APBB2: variants seen among roughly 807,000 people sequenced by gnomAD.
APBB2 encodes the protein Fe65-like 1.
Under a neutral mutation model 82.5 loss-of-function variants are expected in APBB2, and 38 were observed. The ratio of observed to expected loss-of-function variants is 0.46; its 90% CI spans 0.36 to 0.60. The LOEUF is 0.60. Ranked by LOEUF, APBB2 falls within the 20% of genes least tolerant of loss-of-function variation. The pLI, the probability that APBB2 is intolerant of heterozygous loss-of-function variation, is 0.00. For synonymous variants in APBB2, 341 were observed against 368.2 expected (o/e 0.93, Z 0.85); for missense variants, 772 against 972.3 (o/e 0.79, Z 2.74).
intron 10 of APBB2, among the ~76,000 whole-genome samples, chr4:40,923,917 T>C (rs559850166): frequency 3.9e-5 from 6 of 152,132 alleles, no homozygotes; most frequent in African/African-American, 1.4e-4. Flanking sequence ...CTTGGCCGAG[T>C]TGGCAAATAA....
chr4:41,181,453 C>T (rs1771322979), intron 1 of APBB2, among the ~76,000 whole-genome samples: 1 of 152,032 alleles, frequency 6.6e-6, no homozygotes, highest in South Asian at 2.1e-4. Context: ...GTAAATTATC[C>T]CAAGAGCTAA....
intron 1 of APBB2, among the ~76,000 whole-genome samples, chr4:41,147,880 A>G (rs2154025478): frequency 6.6e-6 from 1 of 152,258 alleles, no homozygotes; most frequent in East Asian, 1.9e-4. Context: ...GAAGGAACAC[A>G]CTGGAGCCCA....
At chr4:40,823,541 G>T in intron 16 of APBB2, 103 bp downstream of exon 16, 1 of 785,094 alleles carries the variant, frequency 1.3e-6, no homozygotes, top group Non-Finnish European at 2.2e-6. Context: ...TCACAAGGAT[G>T]CACAACTCCG....
chr4:41,063,597 T>TAA (rs1294487764), intron 4 of APBB2, among the ~76,000 whole-genome samples: 1 of 152,244 alleles, frequency 6.6e-6, no homozygotes, highest in Non-Finnish European at 1.5e-5. Flanking sequence ...CCTACTGCTA[T>TAA]AAAGTGCCAC....
At chr4:40,916,312 A>C (rs28580841) in intron 10 of APBB2, among the ~76,000 whole-genome samples, 14,552 of 152,030 alleles carry the variant, frequency 0.096, 972 homozygotes, top group Middle Eastern at 0.16. Context: ...GCTAGACCTG[A>C]AGACAGACAG....
rs1553930075 is a variant in APBB2, at chr4:40,832,013, T to TACACACACACACACACACACACAC, written c.1530-1460_1530-1437dup. The stretch of plus-strand genomic sequence containing the variant: ...ACACATATTTATATATTTATTTATA[T>TACACACACACACACACACACACAC]ACACACACACACACACACACACACA... On this transcript the variant is annotated intron_variant, in intron 12 of 17. Transcript: ENST00000508593. This position sits in a 1 kb window ranked among gnomAD's most constrained non-coding sequence, Gnocchi z 4.8. 1.7e-4 allele frequency among the ~76,000 whole-genome samples: 23 copies of TACACACACACACACACACACACAC among 138,878 alleles called. No individual in the cohort carries two copies. Among genetic ancestry groups the TACACACACACACACACACACACAC allele is most frequent in the Non-Finnish European group, 2.5e-4 (16 of 64,470 alleles). The allele number at this position is 138,878 out of a possible 152,430, so 91.1% of individuals were successfully genotyped here.
intron 1 of APBB2, among the ~76,000 whole-genome samples, chr4:41,185,593 A>C (rs1364605324): frequency 6.6e-6 from 1 of 152,248 alleles, no homozygotes; most frequent in Non-Finnish European, 1.5e-5. Context: ...TGACTATGTC[A>C]AATAAAATAG....
Position 41,195,118 on chromosome 4 carries a change from C to T in APBB2, c.-417+19287G>A. Among the ~76,000 whole-genome samples, 517 of 152,220 alleles carry T rather than the reference C, an allele frequency of 3.4e-3. 6 individuals are homozygous for T. Among genetic ancestry groups the T allele is most frequent in the African/African-American group, 0.011 (476 of 41,524 alleles). The stretch of plus-strand genomic sequence containing the variant: ...GCTATGTAAGTCTTCTCCGTCTTCA[C>T]CCCCTCCCTGGGTGACCGTTATACT... On this transcript the variant is annotated intron_variant, in intron 1 of 17. Transcript: ENST00000508593.
intron 6 of APBB2, among the ~76,000 whole-genome samples, chr4:40,987,828 G>T (rs1206624636): frequency 6.6e-6 from 1 of 152,200 alleles, no homozygotes; most frequent in African/African-American, 2.4e-5. Flanking sequence ...CTAAGCATGT[G>T]TTGAATGGTC....
chr4:40,977,417 A>T (rs905089726), intron 6 of APBB2, among the ~76,000 whole-genome samples: 9 of 151,704 alleles, frequency 5.9e-5, no homozygotes, highest in African/African-American at 1.9e-4. Flanking sequence ...GGTTCAAGCG[A>T]TTCTCATGCT....
chr4:40,898,366 C>T (rs912459955), intron 10 of APBB2, among the ~76,000 whole-genome samples: 3 of 152,298 alleles, frequency 2.0e-5, no homozygotes, highest in East Asian at 3.9e-4. Context: ...CAGGTTCAAA[C>T]GATTCTCCTG....
intron 1 of APBB2, among the ~76,000 whole-genome samples, chr4:41,202,432 C>T (rs1185482676): frequency 1.3e-5 from 2 of 152,106 alleles, no homozygotes; most frequent in Non-Finnish European, 2.9e-5. Flanking sequence ...CAAAAATGAA[C>T]ACACAAGAAT....
intron 3 of APBB2, among the ~76,000 whole-genome samples, chr4:41,070,539 C>T (rs567807692): frequency 6.6e-6 from 1 of 152,202 alleles, no homozygotes; most frequent in South Asian, 2.1e-4. Context: ...TGACCTCAAG[C>T]GATCCACCCG....
chr4:40,844,447 G>A (rs903735341), intron 12 of APBB2, among the ~76,000 whole-genome samples: 8 of 152,198 alleles, frequency 5.3e-5, no homozygotes, highest in Admixed American at 2.6e-4. Context: ...TATTATCACT[G>A]TGTCATCCAA....
At chr4:40,856,582 A>G (rs1486217775) in intron 12 of APBB2, among the ~76,000 whole-genome samples, 1 of 152,252 alleles carries the variant, frequency 6.6e-6, no homozygotes, top group Non-Finnish European at 1.5e-5. Flanking sequence ...AAACCCTGAA[A>G]TATCTTTCAG....
intron 6 of APBB2, among the ~76,000 whole-genome samples, chr4:40,960,853 C>T (rs73152327): frequency 0.081 from 12,271 of 152,042 alleles, 547 homozygotes; most frequent in Middle Eastern, 0.14. Flanking sequence ...CCGATATAAA[C>T]GCTACATTTC....
chr4:40,861,364 T>G (rs1762717856), intron 12 of APBB2, among the ~76,000 whole-genome samples: 1 of 149,758 alleles, frequency 6.7e-6, no homozygotes, highest in Non-Finnish European at 1.5e-5. Flanking sequence ...AAAAAAAATT[T>G]TTTTTTTTAA....
chr4:41,074,755 A>G (rs1024169860), intron 3 of APBB2, among the ~76,000 whole-genome samples: 16 of 151,876 alleles, frequency 1.1e-4, no homozygotes, highest in South Asian at 2.1e-4. Context: ...GACTACAGGC[A>G]TCCGCCACCA....
chr4:40,960,007 G>C (rs756233664), intron 6 of APBB2, among the ~76,000 whole-genome samples: 2 of 151,990 alleles, frequency 1.3e-5, no homozygotes, highest in Non-Finnish European at 2.9e-5. Context: ...TTTTTATTTG[G>C]GAGCCATCCT....
Sources: allele counts gnomAD v4.1 joint callset (sites outside exome capture counted in the v4.1 genomes callset), GRCh38; gene constraint gnomAD v4.1.1; non-coding constraint Gnocchi (gnomAD v3.1); transcripts MANE v1.5; gene names NCBI Gene and HGNC (gene_info 2026-07-23, HGNC 2026-07-21).